The following RAP1GDS1 variants were observed in gnomAD, a reference collection of about 807,000 sequenced individuals.
The protein encoded by RAP1GDS1 is Rap1 GTPase-GDP dissociation stimulator 1.
RAP1GDS1 carries 35 observed loss-of-function variants against 71.1 expected under a neutral mutation model. The ratio of observed to expected loss-of-function variants is 0.49; its 90% CI spans 0.38 to 0.65. The LOEUF is 0.65. Ranked by LOEUF, RAP1GDS1 falls within the 30% of genes least tolerant of loss-of-function variation. The pLI is 0.00. For missense variants in RAP1GDS1, 663 were observed against 706.1 expected, an observed-to-expected ratio of 0.94 and a Z score of 0.69; for synonymous variants, 229 against 243.1, an observed-to-expected ratio of 0.94 and a Z score of 0.54.
At chr4:98,440,740 G>A (rs1203564110) in intron 14 of RAP1GDS1, among the ~76,000 whole-genome samples, 2 of 152,014 alleles carry the variant, frequency 1.3e-5, no homozygotes, top group Non-Finnish European at 2.9e-5. Flanking sequence ...TTTTTGAGAC[G>A]GAGTTTCGCA....
chr4:98,272,292 A>G (rs1723579206), intron 1 of RAP1GDS1, among the ~76,000 whole-genome samples: 1 of 152,220 alleles, frequency 6.6e-6, no homozygotes, highest in Non-Finnish European at 1.5e-5. Flanking sequence ...GCCAATGGGA[A>G]GTAAGTTTAT....
At chr4:98,394,152 G>T (rs1362636450) in intron 6 of RAP1GDS1, among the ~76,000 whole-genome samples, 2 of 152,136 alleles carry the variant, frequency 1.3e-5, no homozygotes, top group Non-Finnish European at 2.9e-5. Context: ...TGCTGAATAA[G>T]AACTTATATA....
chr4:98,334,526 T>C (rs1478579429), intron 2 of RAP1GDS1, among the ~76,000 whole-genome samples: 1 of 152,148 alleles, frequency 6.6e-6, no homozygotes, highest in Admixed American at 6.6e-5. Flanking sequence ...GTTTAGTGTG[T>C]TTTTGGTTTT....
At chr4:98,310,187 T>C (rs1730001981) in intron 2 of RAP1GDS1, among the ~76,000 whole-genome samples, 1 of 152,158 alleles carries the variant, frequency 6.6e-6, no homozygotes, top group African/African-American at 2.4e-5. Context: ...CATTCATTCA[T>C]TTATTCCACA....
At chr4:98,329,792 A>AAAC (rs1733670472) in intron 2 of RAP1GDS1, among the ~76,000 whole-genome samples, 1 of 150,424 alleles carries the variant, frequency 6.6e-6, no homozygotes, top group Non-Finnish European at 1.5e-5. Context: ...CCATCTCAAA[A>AAAC]AAAAAAAAAA....
At chr4:98,397,255 G>A (rs1239956216) in intron 6 of RAP1GDS1, among the ~76,000 whole-genome samples, 1 of 151,956 alleles carries the variant, frequency 6.6e-6, no homozygotes, top group African/African-American at 2.4e-5. Flanking sequence ...GCATGAATAT[G>A]GTTTTAAAGT....
chr4:98,320,645 C>A (rs1217916017), intron 2 of RAP1GDS1, among the ~76,000 whole-genome samples: 6 of 149,092 alleles, frequency 4.0e-5, no homozygotes, highest in Admixed American at 2.7e-4. Context: ...TGGGAGGCAC[C>A]CCCCAGCAGG....
At chr4:98,339,969 C>G (rs1296210544) in intron 2 of RAP1GDS1, among the ~76,000 whole-genome samples, 1 of 145,798 alleles carries the variant, frequency 6.9e-6, no homozygotes, top group Non-Finnish European at 1.5e-5. Context: ...GGGCATGTAC[C>G]CAAAGGAATA....
chr4:98,396,194 T>A (rs1744523433), intron 6 of RAP1GDS1: 2 of 152,172 alleles, frequency 1.3e-5, no homozygotes, highest in Non-Finnish European at 2.9e-5. Context: ...TGGCCTCACC[T>A]CCAATATTGG....
At position 98,402,228 on chromosome 4, in the gene RAP1GDS1, C is replaced by T. The variant is rs768305120; in HGVS notation, c.638-2249C>T. On this transcript the variant is annotated intron_variant, in intron 6 of 14. Coordinates refer to ENST00000408927, the MANE Select transcript of RAP1GDS1 (RefSeq NM_001100427.2). ...CTGGGACTATAGGTGTATGCCATCA[C>T]GCCCAGCTAATTTTTGTATTTTTAG... 4.6e-5 allele frequency among the ~76,000 whole-genome samples: 7 copies of T among 152,072 alleles called. 1 individual carries two copies. The highest frequency in any genetic ancestry group is 1.3e-4 in the Admixed American group (2 of 15,264).
At chr4:98,356,092 A>G (rs1737930707) in intron 4 of RAP1GDS1, among the ~76,000 whole-genome samples, 1 of 152,146 alleles carries the variant, frequency 6.6e-6, no homozygotes, top group Non-Finnish European at 1.5e-5. Context: ...AACTCTTTTT[A>G]TGAGAAATTT....
At chr4:98,422,914 T>G (rs981016460) in intron 12 of RAP1GDS1, among the ~76,000 whole-genome samples, 1 of 152,196 alleles carries the variant, frequency 6.6e-6, no homozygotes, top group South Asian at 2.1e-4. Context: ...AAGGTGGAAG[T>G]TGTCAGGAGA....
At chr4:98,439,394 G>A (rs1383166685) in intron 14 of RAP1GDS1, among the ~76,000 whole-genome samples, 1 of 152,176 alleles carries the variant, frequency 6.6e-6, no homozygotes, top group Non-Finnish European at 1.5e-5. Context: ...GTCTTGGCAT[G>A]GATTTCTTTG....
chr4:98,273,652 A>AT (rs1056589011), intron 1 of RAP1GDS1, among the ~76,000 whole-genome samples: 3 of 152,054 alleles, frequency 2.0e-5, no homozygotes, highest in African/African-American at 4.8e-5. Flanking sequence ...TCTTTGAGGC[A>AT]TTTTTTTCCC....
At chr4:98,279,494 A>G (rs1007286822) in intron 1 of RAP1GDS1, among the ~76,000 whole-genome samples, 1 of 151,360 alleles carries the variant, frequency 6.6e-6, no homozygotes, top group African/African-American at 2.4e-5. Context: ...AAAAACAGGA[A>G]TTGAACTTTT....
At chr4:98,350,566 G>T (rs911352123) in intron 3 of RAP1GDS1, among the ~76,000 whole-genome samples, 1 of 152,102 alleles carries the variant, frequency 6.6e-6, no homozygotes, top group African/African-American at 2.4e-5. Flanking sequence ...TTGGCCGGGC[G>T]TGGTGGCTCA....
intron 1 of RAP1GDS1, among the ~76,000 whole-genome samples, chr4:98,273,969 A>C (rs577661909): frequency 6.6e-6 from 1 of 152,286 alleles, no homozygotes; most frequent in South Asian, 2.1e-4. Flanking sequence ...TATAGTTTGA[A>C]CTTGCAAAAT....
At chr4:98,438,888 A>G (rs867057361) in intron 14 of RAP1GDS1, among the ~76,000 whole-genome samples, 6 of 152,102 alleles carry the variant, frequency 3.9e-5, no homozygotes, top group Non-Finnish European at 7.4e-5. Context: ...GGTGTGAGCC[A>G]CCACGCCCAG....
chr4:98,315,360 T>C (rs1730786177), intron 2 of RAP1GDS1, among the ~76,000 whole-genome samples: 1 of 152,142 alleles, frequency 6.6e-6, no homozygotes, highest in South Asian at 2.1e-4. Context: ...CCTTGGATGA[T>C]CTCATCCACT....
Sources: allele counts gnomAD v4.1 joint callset (sites outside exome capture counted in the v4.1 genomes callset), GRCh38; gene constraint gnomAD v4.1.1; transcripts MANE v1.5; gene names NCBI Gene and HGNC (gene_info 2026-07-23, HGNC 2026-07-21).